The following PGR variants were observed in gnomAD, a reference collection of about 807,000 sequenced individuals.
PGR encodes the protein progesterone receptor, also known as nuclear receptor subfamily 3 group C member 3.
A neutral mutation model predicts 76.1 loss-of-function variants in PGR; 25 were observed. That is an observed-to-expected ratio of 0.33 (90% CI 0.24 to 0.46). PGR has a LOEUF of 0.46. PGR is among the 20% of genes least tolerant of loss of function. The pLI, the probability that PGR is intolerant of heterozygous loss-of-function variation, is 1.00. For missense variants in PGR, 1,172 were observed against 1,225.3 expected (o/e 0.96, Z 0.65); for synonymous variants, 579 against 535.0 (o/e 1.08, Z -1.14).
chr11:101,067,529 A>G (rs896636960), intron 3 of PGR, among the ~76,000 whole-genome samples: 1 of 152,228 alleles, frequency 6.6e-6, no homozygotes, highest in South Asian at 2.1e-4. Flanking sequence ...CTACTACTTT[A>G]AAAACAATCT....
At chr11:101,075,385 A>G (rs1156711512) in intron 3 of PGR, among the ~76,000 whole-genome samples, 2 of 152,216 alleles carry the variant, frequency 1.3e-5, no homozygotes, top group African/African-American at 4.8e-5. Context: ...AAACCTGGGC[A>G]ATATCATTCA....
At chr11:101,113,695 T>C (rs1393627574) in intron 2 of PGR, among the ~76,000 whole-genome samples, 2 of 152,080 alleles carry the variant, frequency 1.3e-5, no homozygotes, top group African/African-American at 4.8e-5. Flanking sequence ...GGTTGGGAGG[T>C]AGCTGGAGGT....
At chr11:101,104,907 A>G (rs929759990) in intron 2 of PGR, among the ~76,000 whole-genome samples, 1 of 152,188 alleles carries the variant, frequency 6.6e-6, no homozygotes, top group South Asian at 2.1e-4. Flanking sequence ...GTAGTGGGGG[A>G]ATGTGTTAAG....
At position 101,129,095 on chromosome 11, in the gene PGR, TC is replaced by T. The variant is rs1286788395; in HGVS notation, c.-26del. On this transcript the variant is annotated 5_prime_UTR_variant, in exon 1 of 8. Transcript: ENST00000325455. ...TGACGACTGGACTCCCCTTTTCTCCTCCCCCGTCTCCAGGAGGAGGGAAAAG... is the reference window on the plus strand; with the variant it reads ...TGACGACTGGACTCCCCTTTTCTCCTCCCCGTCTCCAGGAGGAGGGAAAAG... 3 of 1,385,718 alleles carry T rather than the reference TC, an allele frequency of 2.2e-6. No homozygotes were observed. The highest frequency in any genetic ancestry group is 2.9e-5 in the Admixed American group (1 of 34,840). 85.8% of individuals were successfully genotyped at this position (1,385,718 alleles called of 1,614,324 possible).
intron 2 of PGR, among the ~76,000 whole-genome samples, chr11:101,123,965 A>G (rs1862760511): frequency 1.3e-5 from 2 of 152,234 alleles, no homozygotes; most frequent in African/African-American, 4.8e-5. Flanking sequence ...TTTAATCTTT[A>G]TAGCAACCCT....
rs1193317205 is a variant in PGR, at chr11:101,035,420, G to A, written c.*3696C>T. On this transcript the variant is annotated 3_prime_UTR_variant, in exon 8 of 8. Coordinates refer to ENST00000325455, the MANE Select transcript of PGR (RefSeq NM_000926.4). ...AAAATGTAATAGCCATCCTTCCAAAGCAATAAAAGACAGATTAAAGCAGAC... is the reference window on the plus strand; with the variant it reads ...AAAATGTAATAGCCATCCTTCCAAAACAATAAAAGACAGATTAAAGCAGAC... The A allele has an allele frequency of 4.3e-6, 1 of 231,138 alleles. No homozygotes were observed. Among genetic ancestry groups the A allele is most frequent in the Non-Finnish European group, 8.6e-6 (1 of 116,808 alleles). The allele number at this position is 231,138 out of a possible 1,614,324, so 14.3% of individuals were successfully genotyped here.
intron 2 of PGR, among the ~76,000 whole-genome samples, chr11:101,112,566 G>C (rs1325179764): frequency 6.6e-6 from 1 of 152,332 alleles, no homozygotes; most frequent in Non-Finnish European, 1.5e-5. Flanking sequence ...AAGCAAGGCT[G>C]TTAGCTGAAA....
At chr11:101,044,819 G>A (rs573920292) in intron 6 of PGR, among the ~76,000 whole-genome samples, 4 of 144,326 alleles carry the variant, frequency 2.8e-5, no homozygotes, top group Non-Finnish European at 4.5e-5. Context: ...CAATTCTCCC[G>A]CCTCAGCCTC....
intron 4 of PGR, among the ~76,000 whole-genome samples, chr11:101,059,700 G>T (rs1860412960): frequency 6.6e-6 from 1 of 151,582 alleles, no homozygotes; most frequent in Non-Finnish European, 1.5e-5. Context: ...GCCAAGCAAG[G>T]TGGCGCATGC....
chr11:101,076,278 G>A (rs886881264), intron 3 of PGR, among the ~76,000 whole-genome samples: 3 of 148,646 alleles, frequency 2.0e-5, no homozygotes, highest in Admixed American at 6.8e-5. Flanking sequence ...AGAACACATG[G>A]ACACAGGGAG....
chr11:101,116,664 A>G (rs2135494502), intron 2 of PGR, among the ~76,000 whole-genome samples: 1 of 147,088 alleles, frequency 6.8e-6, no homozygotes, highest in South Asian at 2.2e-4. Context: ...CACTTGAACC[A>G]GGGAGGCACA....
In PGR at chr11:101,033,323, G is replaced by A. The variant is rs546348411; in HGVS notation, c.*5793C>T. 13 of 201,792 alleles carry A rather than the reference G, an allele frequency of 6.4e-5. No homozygotes were observed. In the South Asian group the frequency reaches 2.1e-3, roughly 33 times the overall value. The allele number at this position is 201,792 out of a possible 1,614,324, so 12.5% of individuals were successfully genotyped here. A position where few individuals can be genotyped will look rare whatever the true frequency, so the allele number is the denominator to read the frequency against. On this transcript the variant is annotated 3_prime_UTR_variant, in exon 8 of 8. Transcript: ENST00000325455. ...CACATCTCTGTTTCAACAAGAATAT[G>A]GTATGTTTGTATTAACTCTCCACAT...
At chr11:101,093,633 A>G (rs1861747596) in intron 2 of PGR, among the ~76,000 whole-genome samples, 1 of 151,870 alleles carries the variant, frequency 6.6e-6, no homozygotes, top group South Asian at 2.1e-4. Context: ...GTAATTTTGT[A>G]TTTTTAGTAG....
chr11:101,052,208 G>A (rs547378), intron 4 of PGR, among the ~76,000 whole-genome samples: 40,315 of 151,222 alleles, frequency 0.27, 5,531 homozygotes, highest in African/African-American at 0.33. Flanking sequence ...GGTCACTTTC[G>A]TTCTCTGAAA....
chr11:101,083,614 G>A (rs931402377), intron 3 of PGR, among the ~76,000 whole-genome samples: 1 of 152,218 alleles, frequency 6.6e-6, no homozygotes, highest in African/African-American at 2.4e-5. Flanking sequence ...TGCTCTGGAT[G>A]TGAGGCATGG....
At chr11:101,062,257 T>C (rs1392680169) in intron 4 of PGR, among the ~76,000 whole-genome samples, 190 bp downstream of exon 4, 1 of 152,216 alleles carries the variant, frequency 6.6e-6, no homozygotes, top group East Asian at 1.9e-4. Context: ...GTGTGTTCTC[T>C]AATTTTTTAT....
chr11:101,092,067 C>G (rs368907189), intron 2 of PGR, among the ~76,000 whole-genome samples, 191 bp from the exon 3 acceptor site: 1 of 152,118 alleles, frequency 6.6e-6, no homozygotes, highest in Non-Finnish European at 1.5e-5. Flanking sequence ...CTTTAGGAGC[C>G]TAAATTAGGT....
At chr11:101,110,679 A>AGC (rs1862318025) in intron 2 of PGR, among the ~76,000 whole-genome samples, 1 of 152,230 alleles carries the variant, frequency 6.6e-6, no homozygotes, top group Non-Finnish European at 1.5e-5. Flanking sequence ...GTGCAGCAGC[A>AGC]GGTTTTGAGA....
chr11:101,091,725 A>T (rs1565353940), intron 3 of PGR, 35 bp downstream of exon 3: 2 of 992,542 alleles, frequency 2.0e-6, no homozygotes, highest in South Asian at 1.3e-5. Flanking sequence ...TATAAAGATT[A>T]CACAGTATAT....
Sources: allele counts gnomAD v4.1 joint callset (sites outside exome capture counted in the v4.1 genomes callset), GRCh38; gene constraint gnomAD v4.1.1; transcripts MANE v1.5; gene names NCBI Gene and HGNC (gene_info 2026-07-23, HGNC 2026-07-21).